The following ZNF69 variants were observed in gnomAD, a reference collection of about 807,000 sequenced individuals.
The protein encoded by ZNF69 is ZNF3.
A neutral mutation model predicts 50.9 loss-of-function variants in ZNF69; 47 were observed. The ratio of observed to expected loss-of-function variants is 0.92; its 90% CI spans 0.73 to 1.18. The LOEUF (loss-of-function observed/expected upper bound fraction) is 1.18. ZNF69 is among the 50% of genes most tolerant of loss of function. ZNF69 has a pLI of 0.00. For missense variants in ZNF69, 717 were observed against 675.1 expected (o/e 1.06, Z -0.69); for synonymous variants, 216 against 223.1 (o/e 0.97, Z 0.29).
At chr19:11,919,309 C>T (rs1356396148), downstream of ZNF69, among the ~76,000 whole-genome samples, 1 of 152,184 alleles carries the variant, frequency 6.6e-6, no homozygotes, top group Non-Finnish European at 1.5e-5. Context: ...CTCGATGTCC[C>T]TTCTCTCTGC....
At chr19:11,966,758 G>A in the ZNF69 span, among the ~76,000 whole-genome samples, 1 of 152,118 alleles carries the variant, frequency 6.6e-6, no homozygotes. Context: ...TGCTTGATTG[G>A]TTGCAGAGAT....
In ZNF69 at chr19:11,887,930, T is replaced by C; in HGVS notation, c.7T>C (p.Cys3Arg). The change falls in exon 1 of 4, where the codon TGC (cysteine) becomes CGC (arginine). Residue 3 changes from cysteine to arginine, a missense_variant. Transcript: ENST00000429654. ...TCACTCTGTCACCTACGCTATGCCCTGCTGTAGTCACAGGAGGTGTAGAGA... is the reference window on the plus strand; with the variant it reads ...TCACTCTGTCACCTACGCTATGCCCCGCTGTAGTCACAGGAGGTGTAGAGA... MP[C>R]CSHRRCREDP... The C allele has an allele frequency of 3.1e-6, 5 of 1,611,782 alleles. No individual in the cohort carries two copies. The highest frequency in any genetic ancestry group is 4.2e-6 in the Non-Finnish European group (5 of 1,178,434).
At chr19:11,949,920 C>T in the ZNF69 span, 3 of 1,613,900 alleles carry the variant, frequency 1.9e-6, no homozygotes, top group East Asian at 6.7e-5. Context: ...TCAGATCTGC[C>T]TCAAACCTTC....
chr19:11,894,072 C>T (rs1486968887), intron 1 of ZNF69, among the ~76,000 whole-genome samples: 1 of 152,204 alleles, frequency 6.6e-6, no homozygotes, highest in East Asian at 1.9e-4. Context: ...TCATTGAGCA[C>T]TTCTCCTTTC....
At chr19:11,971,468 A>G in the ZNF69 span, among the ~76,000 whole-genome samples, 15 of 152,160 alleles carry the variant, frequency 9.9e-5, no homozygotes, top group Admixed American at 3.3e-4. Context: ...CCCTCCAACC[A>G]TATTCTATAG....
intron 1 of ZNF69, among the ~76,000 whole-genome samples, chr19:11,890,647 A>G (rs1568271235): frequency 6.6e-6 from 1 of 152,146 alleles, no homozygotes; most frequent in African/African-American, 2.4e-5. Context: ...TTTAGTAGAG[A>G]TGGGGTTTCA....
At chr19:11,938,737 A>G in the ZNF69 span, among the ~76,000 whole-genome samples, 2 of 152,344 alleles carry the variant, frequency 1.3e-5, no homozygotes, top group East Asian at 3.9e-4. Context: ...TTGGGTATAT[A>G]CCCAGTAGTG....
chr19:11,958,943 C>T, the ZNF69 span, among the ~76,000 whole-genome samples: 4 of 152,132 alleles, frequency 2.6e-5, no homozygotes, highest in South Asian at 2.1e-4. Flanking sequence ...AGTGCAGTGG[C>T]GTGATCTCGG....
At chr19:11,941,517 C>T in the ZNF69 span, among the ~76,000 whole-genome samples, 1 of 152,222 alleles carries the variant, frequency 6.6e-6, no homozygotes, top group Admixed American at 6.5e-5. Flanking sequence ...ACCCAGTACA[C>T]CCTCTGCAGC....
chr19:11,978,094 A>G, the ZNF69 span: 2 of 1,603,690 alleles, frequency 1.2e-6, no homozygotes, highest in Non-Finnish European at 1.7e-6. Flanking sequence ...ACCCTTCATA[A>G]TGTGCTTCTC....
chr19:11,977,344 G>A, the ZNF69 span: 2 of 1,612,796 alleles, frequency 1.2e-6, no homozygotes, highest in East Asian at 2.2e-5. Flanking sequence ...ATTGCTTCAG[G>A]ACTACTTTTC....
chr19:11,905,355 C>A lies in ZNF69; in HGVS notation c.958C>A (p.Arg320Ser). The A allele has an allele frequency of 6.2e-7, 1 of 1,613,996 alleles. No homozygotes were observed. Among genetic ancestry groups the A allele is most frequent in the Non-Finnish European group, 8.5e-7 (1 of 1,180,014 alleles). ...GKAFTCPQYV[R>S]IHERTHSRKK... ...AGCATTCACGTGTCCCCAGTATGTTCGTATACATGAAAGGACCCACTCTAG... is the reference window on the plus strand; with the variant it reads ...AGCATTCACGTGTCCCCAGTATGTTAGTATACATGAAAGGACCCACTCTAG... The change falls in exon 4 of 4, where the codon CGT becomes AGT. Residue 320 changes from arginine (R) to serine (S), a missense_variant. Physicochemically the swap from Arg to Ser is moderately radical, Grantham distance 110. Coordinates refer to ENST00000429654, the MANE Select transcript of ZNF69 (RefSeq NM_001364730.1).
At chr19:11,919,245 TTCCATGTAGTGGC>T, downstream of ZNF69, among the ~76,000 whole-genome samples, 1 of 152,238 alleles carries the variant, frequency 6.6e-6, no homozygotes, top group Middle Eastern at 3.4e-3. Context: ...TACAATACTT[TTCCATGTAGTGGC>T]TCTGGCAGCA....
chr19:11,953,068 T>A, the ZNF69 span: 2 of 152,044 alleles, frequency 1.3e-5, no homozygotes, highest in African/African-American at 2.4e-5. Context: ...AGAGCGAGAC[T>A]CCATCACACA....
chr19:11,913,449 C>T, exon 5 of ZNF69: 1 of 523,992 alleles, frequency 1.9e-6, no homozygotes, highest in East Asian at 3.4e-5. Flanking sequence ...AGTGCAGTGG[C>T]ATGATCTCAG....
At chr19:11,979,799 T>G in the ZNF69 span, 15 of 1,574,596 alleles carry the variant, frequency 9.5e-6, no homozygotes, top group African/African-American at 1.6e-4. Context: ...ACCCTATGAG[T>G]GTAAGGAATG....
chr19:11,927,369 A>G, the ZNF69 span, among the ~76,000 whole-genome samples: 1 of 151,772 alleles, frequency 6.6e-6, no homozygotes, highest in East Asian at 1.9e-4. Flanking sequence ...ACCAAAACAA[A>G]CAGGAAAGAG....
chr19:11,977,169 G>A, the ZNF69 span: 68 of 1,613,858 alleles, frequency 4.2e-5, no homozygotes, highest in African/African-American at 7.6e-4. Context: ...CTATAGGTAA[G>A]GATGACAATA....
chr19:11,917,635 A>ATTTGTTTATTTG (rs1555699028), downstream of ZNF69, among the ~76,000 whole-genome samples: 33 of 151,204 alleles, frequency 2.2e-4, no homozygotes, highest in African/African-American at 8.0e-4. Context: ...GAATTTATTT[A>ATTTGTTTATTTG]TTTGTTTGTT....
Sources: allele counts gnomAD v4.1 joint callset (sites outside exome capture counted in the v4.1 genomes callset), GRCh38; gene constraint gnomAD v4.1.1; transcripts MANE v1.5; gene names NCBI Gene and HGNC (gene_info 2026-07-23, HGNC 2026-07-21).